HOXA3: variants seen among roughly 807,000 people sequenced by gnomAD.
HOXA3 encodes the protein homeobox protein Hox-A3.
In HOXA3, 8 loss-of-function variants were observed where a neutral mutation model predicts 30.3. That is an observed-to-expected ratio of 0.26 (90% confidence interval 0.15 to 0.48). The LOEUF is 0.48. Ranked by LOEUF, HOXA3 falls within the 20% of genes least tolerant of loss-of-function variation. The pLI, the probability that HOXA3 is intolerant of heterozygous loss-of-function variation, is 0.99. For missense variants in HOXA3, 653 were observed against 614.4 expected, an observed-to-expected ratio of 1.06 and a Z score of -0.66; for synonymous variants, 323 against 273.1, an observed-to-expected ratio of 1.18 and a Z score of -1.80.
chr7:27,148,988 G>A (rs983185), intron 1 of HOXA3, among the ~76,000 whole-genome samples: 106,041 of 152,186 alleles, frequency 0.7, 40,386 homozygotes, highest in East Asian at 0.85. Flanking sequence ...TCCTGGGACC[G>A]CAGGGAGGGC....
chr7:27,131,396 G>A (rs1174589593), intron 2 of HOXA3, among the ~76,000 whole-genome samples: 1 of 152,202 alleles, frequency 6.6e-6, no homozygotes, highest in Admixed American at 6.5e-5. Flanking sequence ...GAGAGCCCTT[G>A]CTTTGAGAAG....
chr7:27,134,350 G>A (rs371459356), intron 2 of HOXA3: 1 of 152,156 alleles, frequency 6.6e-6, no homozygotes, highest in East Asian at 1.9e-4. Context: ...TTTTAACTGG[G>A]ATTGTTTGAG....
intron 4 of HOXA3, chr7:27,115,539 AG>A (rs1280369295): frequency 6.6e-6 from 1 of 152,264 alleles, no homozygotes. Flanking sequence ...CCGCCTTCTC[AG>A]CTAAGCCAGC....
At chr7:27,117,254 T>C (rs970860612) in intron 4 of HOXA3, among the ~76,000 whole-genome samples, 1 of 152,220 alleles carries the variant, frequency 6.6e-6, no homozygotes, top group Admixed American at 6.5e-5. Flanking sequence ...GACTCTTGTC[T>C]CTGGACTTCC....
Position 27,108,829 on chromosome 7 carries a change from C to A in HOXA3, c.527-109G>T, listed in dbSNP as rs1414894807. ...ACCAGGCCCCAAAGGTTCCTGCATC[C>A]GTCAGGTCCCAGAGAGAAGTAGGAA... is the stretch of plus-strand genomic sequence containing the variant. On this transcript the variant is annotated intron_variant, in intron 5 of 5. Coordinates refer to ENST00000612286, the MANE Select transcript of HOXA3 (RefSeq NM_153631.3). This position sits in a 1 kb window ranked among gnomAD's most constrained non-coding sequence, Gnocchi z 5.0. 3.9e-6 allele frequency: 3 copies of A among 768,562 alleles called. No individual in the cohort carries two copies. In the East Asian group the frequency reaches 8.0e-5, roughly 21 times the overall value. 47.6% of individuals were successfully genotyped at this position (768,562 alleles called of 1,614,324 possible).
chr7:27,142,137 C>T (rs1348813668), intron 1 of HOXA3: 2 of 1,581,770 alleles, frequency 1.3e-6, no homozygotes, highest in South Asian at 2.3e-5. Flanking sequence ...TTCCAAAGTC[C>T]GCCAGGGGGA....
At chr7:27,139,603 G>A (rs2128058490) in intron 2 of HOXA3, among the ~76,000 whole-genome samples, 1 of 152,278 alleles carries the variant, frequency 6.6e-6, no homozygotes, top group Non-Finnish European at 1.5e-5. Flanking sequence ...GCCCTGCCCC[G>A]GCCTTTCTTT....
chr7:27,147,278 C>T, intron 1 of HOXA3: 2 of 1,578,534 alleles, frequency 1.3e-6, no homozygotes, highest in African/African-American at 1.3e-5. Flanking sequence ...CCTTTCCCCT[C>T]TCCCTCCACT....
At chr7:27,137,404 C>T (rs1324250729) in intron 2 of HOXA3, among the ~76,000 whole-genome samples, 1 of 152,176 alleles carries the variant, frequency 6.6e-6, no homozygotes, top group Non-Finnish European at 1.5e-5. Context: ...AACGAGCCCC[C>T]GCACATTGCC....
In HOXA3 at chr7:27,110,935, C is replaced by T. The variant is rs573280935; in HGVS notation, c.-120-175G>A. On this transcript the variant is annotated intron_variant, in intron 4 of 5. Transcript: ENST00000612286. ...AAAAACCGCTGGAATTTACTGGCAG[C>T]TACAAATATTTGCTTAACTTGCGTC... Among the ~76,000 whole-genome samples, 18 of 152,328 alleles carry T rather than the reference C, an allele frequency of 1.2e-4. No homozygotes were observed. The South Asian group carries it at 3.3e-3, about 28-fold the overall frequency.
intron 4 of HOXA3, chr7:27,116,393 G>A (rs967759325): frequency 1.3e-5 from 2 of 152,682 alleles, no homozygotes; most frequent in African/African-American, 4.8e-5. Flanking sequence ...AGAATAGAGA[G>A]GAAAATTATT....
At chr7:27,123,310 A>G (rs1785130359) in intron 3 of HOXA3, 1 of 152,224 alleles carries the variant, frequency 6.6e-6, no homozygotes, top group Admixed American at 6.5e-5. Flanking sequence ...GCTGCTGGAA[A>G]CTGAGAGGGA....
At chr7:27,129,393 G>T in intron 2 of HOXA3, 1 of 1,614,178 alleles carries the variant, frequency 6.2e-7, no homozygotes, top group Non-Finnish European at 8.5e-7. Context: ...TCATCCTCCG[G>T]TTCTGAAACC....
intron 1 of HOXA3, chr7:27,146,044 A>C: frequency 9.1e-7 from 1 of 1,093,150 alleles, no homozygotes; most frequent in Non-Finnish European, 1.3e-6. Flanking sequence ...CTCTCCCACT[A>C]TGTCTGGGGC....
At chr7:27,151,641 G>C in intron 1 of HOXA3, 1 of 456,718 alleles carries the variant, frequency 2.2e-6, no homozygotes, top group South Asian at 1.5e-5. Context: ...AAAACCGGGC[G>C]AAGGGAAGCC....
At chr7:27,126,231 G>A (rs1156664716) in intron 3 of HOXA3, among the ~76,000 whole-genome samples, 35 of 152,262 alleles carry the variant, frequency 2.3e-4, no homozygotes, top group African/African-American at 4.8e-5. Flanking sequence ...TCTCCTATCC[G>A]ATTTAGGTCG....
At chr7:27,145,574 G>T (rs1782728353) in intron 1 of HOXA3, 2 of 1,527,550 alleles carry the variant, frequency 1.3e-6, no homozygotes, top group Non-Finnish European at 1.8e-6. Context: ...GGGAGCAGGC[G>T]GGGAGAAAAG....
At chr7:27,122,925 G>A (rs998083940) in intron 3 of HOXA3, 3 of 152,016 alleles carry the variant, frequency 2.0e-5, no homozygotes, top group Non-Finnish European at 4.4e-5. Context: ...GCGGGGGAGT[G>A]GGGAAGGAAA....
intron 4 of HOXA3, among the ~76,000 whole-genome samples, chr7:27,117,258 G>T (rs1003726770): frequency 2.6e-5 from 4 of 152,310 alleles, no homozygotes. Context: ...CTTGTCTCTG[G>T]ACTTCCCTCC....
Sources: allele counts gnomAD v4.1 joint callset (sites outside exome capture counted in the v4.1 genomes callset), GRCh38; gene constraint gnomAD v4.1.1; non-coding constraint Gnocchi (gnomAD v3.1); transcripts MANE v1.5; gene names NCBI Gene and HGNC (gene_info 2026-07-23, HGNC 2026-07-21).